KCNMA1: variants seen among roughly 807,000 people sequenced by gnomAD.
The protein encoded by KCNMA1 is Calcium-activated potassium channel subunit alpha-1.
Under a neutral mutation model 140.0 loss-of-function variants are expected in KCNMA1, and 29 were observed. That is an observed-to-expected ratio of 0.21 (90% CI 0.15 to 0.28). The LOEUF is 0.28. Among genes scored for constraint, KCNMA1 ranks in the 10% least tolerant of loss-of-function variants. The pLI is 1.00. For synonymous variants in KCNMA1, 612 were observed against 611.9 expected (o/e 1.00, Z 0.00); for missense variants, 880 against 1,602.2 (o/e 0.55, Z 7.70).
intron 1 of KCNMA1, among the ~76,000 whole-genome samples, chr10:77,549,080 T>C (rs2062117715): frequency 6.6e-6 from 1 of 152,250 alleles, no homozygotes; most frequent in Non-Finnish European, 1.5e-5. Context: ...ACATCACTGA[T>C]AAAAGTCATT....
intron 5 of KCNMA1, among the ~76,000 whole-genome samples, chr10:77,178,728 A>G (rs1181051177): frequency 6.6e-6 from 1 of 152,140 alleles, no homozygotes; most frequent in Non-Finnish European, 1.5e-5. Context: ...ACAAAAAAAC[A>G]TACACACAAA....
intron 2 of KCNMA1, among the ~76,000 whole-genome samples, chr10:77,379,569 T>C (rs1234568769): frequency 2.0e-5 from 3 of 150,776 alleles, no homozygotes; most frequent in Non-Finnish European, 4.4e-5. Flanking sequence ...CAGACATATG[T>C]AGGCAGAAAA....
intron 1 of KCNMA1, among the ~76,000 whole-genome samples, chr10:77,604,428 G>C (rs2154566816): frequency 6.6e-6 from 1 of 152,226 alleles, no homozygotes; most frequent in East Asian, 1.9e-4. Flanking sequence ...TTGTTGGCCA[G>C]GCACAGTGGC....
rs111392487 is a variant in KCNMA1 at position 77,336,803 on chromosome 10, G to A, written c.540+67059C>T. On this transcript the variant is annotated intron_variant, in intron 2 of 27. Coordinates refer to ENST00000286628, the MANE Select transcript of KCNMA1 (RefSeq NM_001161352.2). ...AAAGAACTAAGCAGACCAGGCTGAT[G>A]GACCTCTTAGAATCTGTTTTCCCAT... 4.4e-3 allele frequency among the ~76,000 whole-genome samples: 675 copies of A among 152,296 alleles called. 6 individuals are homozygous for A. Among genetic ancestry groups the A allele is most frequent in the African/African-American group, 0.015 (635 of 41,572 alleles).
chr10:77,279,135 C>A (rs1162322612), intron 2 of KCNMA1, among the ~76,000 whole-genome samples: 1 of 152,170 alleles, frequency 6.6e-6, no homozygotes, highest in East Asian at 1.9e-4. Context: ...TAAGCTTCGA[C>A]AAGACCAATT....
intron 5 of KCNMA1, among the ~76,000 whole-genome samples, chr10:77,162,663 TG>T (rs1564910762): frequency 6.6e-6 from 1 of 152,178 alleles, no homozygotes. Flanking sequence ...GAAAACCCAC[TG>T]GTACTCTCCA....
chr10:77,150,463 A>G (rs963698206), intron 5 of KCNMA1, among the ~76,000 whole-genome samples: 1 of 152,248 alleles, frequency 6.6e-6, no homozygotes, highest in Admixed American at 6.5e-5. Context: ...CCACATCCCT[A>G]TTACATGGTA....
At chr10:77,224,913 T>C (rs548297825) in intron 3 of KCNMA1, among the ~76,000 whole-genome samples, 2 of 152,308 alleles carry the variant, frequency 1.3e-5, no homozygotes, top group African/African-American at 4.8e-5. Context: ...ATACTTCCCA[T>C]GCTGTTGTTG....
chr10:77,157,918 G>C (rs554407093), intron 5 of KCNMA1, among the ~76,000 whole-genome samples: 1 of 152,174 alleles, frequency 6.6e-6, no homozygotes, highest in Non-Finnish European at 1.5e-5. Context: ...CCTCCTTAGC[G>C]ATGGGCTGCC....
chr10:77,246,987 A>G (rs1227253811), intron 3 of KCNMA1, among the ~76,000 whole-genome samples: 2 of 152,234 alleles, frequency 1.3e-5, no homozygotes, highest in Non-Finnish European at 2.9e-5. Context: ...TGGAGCAGAT[A>G]AAGTCATTAA....
At chr10:76,980,034 CAT>C (rs1592653112) in intron 19 of KCNMA1, 1 of 152,134 alleles carries the variant, frequency 6.6e-6, no homozygotes, top group East Asian at 1.9e-4. Flanking sequence ...TGTATGCTAT[CAT>C]AATTTATCCT....
rs11001927 is a variant in KCNMA1, at chr10:76,910,426, T to G, written c.3017-330A>C. 2.1e-3 allele frequency: 733 copies of G among 349,996 alleles called. 3 individuals carry two copies. Among genetic ancestry groups the G allele is most frequent in the African/African-American group, 0.014 (660 of 47,214 alleles). 21.7% of individuals were successfully genotyped at this position (349,996 alleles called of 1,614,324 possible). On this transcript the variant is annotated intron_variant, in intron 24 of 27. Coordinates refer to ENST00000286628, the MANE Select transcript of KCNMA1 (RefSeq NM_001161352.2). ...CCTAAAAACACTTTCCAGTGTTTTT[T>G]GGTAACCAAGTCCTTTGAGAGATGG...
intron 5 of KCNMA1, among the ~76,000 whole-genome samples, chr10:77,182,639 G>T (rs1040477602): frequency 6.6e-6 from 1 of 152,112 alleles, no homozygotes; most frequent in Non-Finnish European, 1.5e-5. Context: ...TAAAAATAAG[G>T]ACAGAAGGAA....
At chr10:77,089,939 C>T (rs999464242) in intron 10 of KCNMA1, among the ~76,000 whole-genome samples, 9 of 152,124 alleles carry the variant, frequency 5.9e-5, no homozygotes, top group South Asian at 2.1e-4. Flanking sequence ...TTCCTAGGAA[C>T]GGCAGTTGTT....
intron 2 of KCNMA1, among the ~76,000 whole-genome samples, chr10:77,317,041 G>A (rs376805092): frequency 7.9e-5 from 12 of 152,116 alleles, no homozygotes; most frequent in Non-Finnish European, 1.5e-4. Context: ...GTGCCTTGGC[G>A]CTAGAAGCTT....
chr10:77,375,983 T>C (rs1205956924), intron 2 of KCNMA1, among the ~76,000 whole-genome samples: 1 of 152,202 alleles, frequency 6.6e-6, no homozygotes, highest in African/African-American at 2.4e-5. Flanking sequence ...CAACTTCGTG[T>C]CAGAGCTTAC....
At position 77,375,356 on chromosome 10, in the gene KCNMA1, C is replaced by T. The variant is rs554627828; in HGVS notation, c.540+28506G>A. 5.3e-5 allele frequency among the ~76,000 whole-genome samples: 8 copies of T among 152,254 alleles called. 1 individual carries two copies. In the South Asian group the frequency reaches 8.3e-4, roughly 16 times the overall value. ...AATCCTGGCATCTTTCCCAGCTGGCCGTATTACCCCTAGGAGCTACTCAAC... is the reference window on the plus strand; with the variant it reads ...AATCCTGGCATCTTTCCCAGCTGGCTGTATTACCCCTAGGAGCTACTCAAC... On this transcript the variant is annotated intron_variant, in intron 2 of 27. Coordinates refer to ENST00000286628, the MANE Select transcript of KCNMA1 (RefSeq NM_001161352.2).
intron 1 of KCNMA1, chr10:77,636,422 G>C (rs1044423099): frequency 6.5e-6 from 10 of 1,536,162 alleles, no homozygotes; most frequent in Middle Eastern, 3.3e-4. Context: ...TCGAGCGCCA[G>C]GGAAGACGCT....
chr10:77,230,432 T>G (rs2053197608), intron 3 of KCNMA1, among the ~76,000 whole-genome samples: 1 of 152,240 alleles, frequency 6.6e-6, no homozygotes, highest in Non-Finnish European at 1.5e-5. Flanking sequence ...TGGCTAATAG[T>G]TACTTTTATG....
Sources: gnomAD v4.1 joint callset for allele counts (sites outside exome capture counted in the v4.1 genomes callset) on GRCh38, gnomAD v4.1.1 for gene constraint, MANE v1.5 for transcripts, NCBI Gene and HGNC (gene_info 2026-07-23, HGNC 2026-07-21) for gene names.